Variants in DCC observed in about 807,000 individuals in gnomAD.
DCC encodes the protein DCC netrin 1 receptor.
DCC carries 58 observed loss-of-function variants against 172.5 expected under a neutral mutation model. The ratio of observed to expected loss-of-function variants is 0.34; its 90% CI spans 0.27 to 0.42. The LOEUF (loss-of-function observed/expected upper bound fraction) is 0.42, where lower values mean the gene tolerates loss of function less well. DCC is among the 10% of genes least tolerant of loss of function. DCC has a pLI of 1.00. For synonymous variants in DCC, 709 were observed against 644.5 expected (o/e 1.10, Z -1.52); for missense variants, 1,740 against 1,791.0 (o/e 0.97, Z 0.51).
chr18:52,551,757 C>CACACACAT (rs1555696371), intron 1 of DCC, among the ~76,000 whole-genome samples: 21,692 of 139,888 alleles, frequency 0.16, 6,137 homozygotes, highest in Middle Eastern at 0.23. Context: ...CACACACACA[C>CACACACAT]ACACACACAC....
chr18:52,726,291 C>T (rs1411309785), intron 1 of DCC, among the ~76,000 whole-genome samples: 1 of 152,176 alleles, frequency 6.6e-6, no homozygotes, highest in Non-Finnish European at 1.5e-5. Context: ...ATCTTAACCA[C>T]TATCCTTTCT....
At chr18:53,351,360 ATATATACTG>A (rs2057799991) in intron 15 of DCC, among the ~76,000 whole-genome samples, 2 of 87,236 alleles carry the variant, frequency 2.3e-5, no homozygotes, top group African/African-American at 8.5e-5. Flanking sequence ...CACAGTATAT[ATATATACTG>A]TATATATATA....
intron 12 of DCC, among the ~76,000 whole-genome samples, chr18:53,237,994 A>C (rs1385963199): frequency 6.6e-6 from 1 of 152,198 alleles, no homozygotes; most frequent in Non-Finnish European, 1.5e-5. Flanking sequence ...AATTTGTTTG[A>C]AACCTTTAAA....
intron 1 of DCC, among the ~76,000 whole-genome samples, chr18:52,383,235 A>G (rs1985658917): frequency 6.6e-6 from 1 of 152,120 alleles, no homozygotes; most frequent in African/African-American, 2.4e-5. Flanking sequence ...ACCAATGTTT[A>G]CCTCTTACTC....
chr18:53,153,457 A>G (rs1246073502), intron 7 of DCC, among the ~76,000 whole-genome samples: 1 of 152,140 alleles, frequency 6.6e-6, no homozygotes, highest in Non-Finnish European at 1.5e-5. Flanking sequence ...GTGCTCACAC[A>G]CACTTCAACT....
chr18:53,145,873 A>G (rs965466139), intron 7 of DCC, among the ~76,000 whole-genome samples: 12 of 152,196 alleles, frequency 7.9e-5, no homozygotes, highest in African/African-American at 2.9e-4. Flanking sequence ...ATGTACCTGC[A>G]CCTGGAAGGT....
intron 1 of DCC, among the ~76,000 whole-genome samples, chr18:52,348,904 G>T (rs929949814): frequency 2.6e-5 from 4 of 152,096 alleles, no homozygotes; most frequent in African/African-American, 4.8e-5. Flanking sequence ...CCTGTTTATT[G>T]TGTCTTTATA....
chr18:52,762,739 C>T (rs2037184204), intron 2 of DCC, among the ~76,000 whole-genome samples: 1 of 152,066 alleles, frequency 6.6e-6, no homozygotes, highest in African/African-American at 2.4e-5. Flanking sequence ...TGGGAGGTTG[C>T]TTGAGCCCAG....
intron 12 of DCC, among the ~76,000 whole-genome samples, chr18:53,277,682 C>T (rs2056821950): frequency 6.6e-6 from 1 of 152,090 alleles, no homozygotes. Flanking sequence ...CCCAAGTGAT[C>T]CTTTGATCAT....
chr18:52,834,470 A>C (rs1468110408), intron 2 of DCC, among the ~76,000 whole-genome samples: 1 of 152,144 alleles, frequency 6.6e-6, no homozygotes, highest in Non-Finnish European at 1.5e-5. Flanking sequence ...TCTGATATTC[A>C]CTGAAACTTG....
At chr18:52,529,415 C>T (rs888107608) in intron 1 of DCC, among the ~76,000 whole-genome samples, 2 of 152,086 alleles carry the variant, frequency 1.3e-5, no homozygotes, top group East Asian at 1.9e-4. Flanking sequence ...CTCAGCCTCC[C>T]GAGTAGCTGG....
intron 5 of DCC, among the ~76,000 whole-genome samples, chr18:53,049,021 T>C (rs1002067400): frequency 6.6e-6 from 1 of 152,126 alleles, no homozygotes; most frequent in Admixed American, 6.6e-5. Flanking sequence ...GCCTAGTTTT[T>C]AATGGGGTTG....
intron 8 of DCC, among the ~76,000 whole-genome samples, chr18:53,165,260 A>G (rs1172164865): frequency 1.3e-5 from 2 of 152,210 alleles, no homozygotes; most frequent in African/African-American, 4.8e-5. Flanking sequence ...TCCAACTTGC[A>G]GCAATATATG....
chr18:52,343,592 G>T (rs897537266), intron 1 of DCC, among the ~76,000 whole-genome samples: 19 of 152,178 alleles, frequency 1.2e-4, no homozygotes, highest in African/African-American at 4.3e-4. Flanking sequence ...TTATATATTT[G>T]ACATGAGCCA....
Position 53,356,447 on chromosome 18 carries a change from T to C in DCC, c.2359+16540T>C, listed in dbSNP as rs192834036. On this transcript the variant is annotated intron_variant, in intron 15 of 28. Coordinates refer to ENST00000442544, the MANE Select transcript of DCC (RefSeq NM_005215.4). ...AATATTCTTGCATTTTGTTCTAACA[T>C]GCAGTTATGTTACTTTGAAATACAT... 2.6e-3 allele frequency among the ~76,000 whole-genome samples: 397 copies of C among 152,308 alleles called. 2 individuals carry two copies. The highest frequency in any genetic ancestry group is 9.1e-3 in the African/African-American group (377 of 41,574).
chr18:52,548,438 G>T (rs2032674896), intron 1 of DCC, among the ~76,000 whole-genome samples: 1 of 152,036 alleles, frequency 6.6e-6, no homozygotes, highest in Non-Finnish European at 1.5e-5. Flanking sequence ...GGCACTGCTG[G>T]GCAAACCAGT....
At chr18:52,621,400 G>C (rs571036172) in intron 1 of DCC, among the ~76,000 whole-genome samples, 3 of 152,286 alleles carry the variant, frequency 2.0e-5, no homozygotes, top group Admixed American at 2.0e-4. Context: ...CTATGGCAAA[G>C]TTTGGGTCTC....
intron 15 of DCC, among the ~76,000 whole-genome samples, chr18:53,380,164 C>G (rs767790287): frequency 4.4e-4 from 67 of 152,198 alleles, no homozygotes; most frequent in Middle Eastern, 6.9e-3. Context: ...TCATTTGATG[C>G]TTCTGTAGAG....
chr18:52,953,742 T>C (rs1253329270), intron 5 of DCC, among the ~76,000 whole-genome samples: 2 of 152,216 alleles, frequency 1.3e-5, no homozygotes, highest in Admixed American at 1.3e-4. Flanking sequence ...GGAATTTGAA[T>C]TGATTGATCT....
Sources: allele counts gnomAD v4.1 joint callset (sites outside exome capture counted in the v4.1 genomes callset), GRCh38; gene constraint gnomAD v4.1.1; transcripts MANE v1.5; gene names NCBI Gene and HGNC (gene_info 2026-07-23, HGNC 2026-07-21).